Variants in MIA2 observed in about 807,000 individuals in gnomAD.
MIA2 encodes MIA SH3 domain ER export factor 2, also known as melanoma inhibitory activity protein 2.
A neutral mutation model predicts 167.8 loss-of-function variants in MIA2; 127 were observed. The ratio of observed to expected loss-of-function variants is 0.76; its 90% CI spans 0.66 to 0.88. The LOEUF is 0.88. Among genes scored for constraint, MIA2 ranks in the 40% least tolerant of loss-of-function variants. The pLI, the probability that MIA2 is intolerant of heterozygous loss-of-function variation, is 0.00. For synonymous variants in MIA2, 552 were observed against 541.9 expected (o/e 1.02, Z -0.26); for missense variants, 1,690 against 1,624.7 (o/e 1.04, Z -0.69).
At chr14:39,269,079 T>TTTTTTTTTTG (rs2056623212) in intron 6 of MIA2, 1 of 522,934 alleles carries the variant, frequency 1.9e-6, no homozygotes, top group Non-Finnish European at 2.2e-6. Flanking sequence ...GCACAGTTTT[T>TTTTTTTTTTG]TTTTTTTTTT....
intron 24 of MIA2, among the ~76,000 whole-genome samples, chr14:39,326,340 T>TA (rs1453271827): frequency 1.3e-5 from 2 of 152,196 alleles, no homozygotes; most frequent in East Asian, 3.8e-4. Context: ...TTATCTTTTT[T>TA]ATCTTCTCAT....
chr14:39,290,949 A>C, intron 9 of MIA2, 70 bp from the exon 10 acceptor site: 1 of 1,310,196 alleles, frequency 7.6e-7, no homozygotes, highest in Non-Finnish European at 1.1e-6. Flanking sequence ...TCTGCTTCTT[A>C]GGCATCTATC....
chr14:39,356,935 G>T (rs1467500867), intron 23 of MIA2, among the ~76,000 whole-genome samples: 1 of 152,168 alleles, frequency 6.6e-6, no homozygotes, highest in Non-Finnish European at 1.5e-5. Flanking sequence ...TATAATTTCT[G>T]TTCTTTTACA....
Position 39,294,984 on chromosome 14 carries a change from A to G in MIA2, c.2451A>G (p.Lys817=), listed in dbSNP as rs1213115495. The G allele has an allele frequency of 6.2e-7, 1 of 1,613,908 alleles. No homozygotes were observed. The highest frequency in any genetic ancestry group is 2.2e-5 in the East Asian group (1 of 44,880). ...MNEERLKIAI[K]DALNENSQLQ... is the part of the protein sequence containing the mutation. ...AAGAACGACTGAAGATAGCAATAAAAGATGCTTTGAATGAAAATTCTCAAC... is the reference window on the plus strand; with the variant it reads ...AAGAACGACTGAAGATAGCAATAAAGGATGCTTTGAATGAAAATTCTCAAC... The change falls in exon 13 of 29, where the codon AAA becomes AAG. Residue 817 remains lysine (K), a synonymous_variant. Coordinates refer to ENST00000640607, the MANE Select transcript of MIA2 (RefSeq NM_001329214.4).
In MIA2 at chr14:39,320,887, G is replaced by A. The variant is rs548848375; in HGVS notation, c.3368-41G>A. The A allele has an allele frequency of 9.4e-6, 15 of 1,599,966 alleles. No individual in the cohort carries two copies. In the African/African-American group the frequency reaches 9.4e-5, roughly 10 times the overall value. On this transcript the variant is annotated intron_variant, in intron 23 of 28. Transcript: ENST00000640607. Reference sequence around the variant, plus strand: ...GATTCTAACTCTGTAGTGTAGCTAAGTGAAACTATGAATTTAAATATGCTG... The same window carrying A: ...GATTCTAACTCTGTAGTGTAGCTAAATGAAACTATGAATTTAAATATGCTG...
intron 23 of MIA2, among the ~76,000 whole-genome samples, chr14:39,371,646 A>G (rs1337990721): frequency 6.6e-6 from 1 of 152,252 alleles, no homozygotes; most frequent in Non-Finnish European, 1.5e-5. Flanking sequence ...ATAATTTTGT[A>G]TAAAGAGCAG....
intron 25 of MIA2, among the ~76,000 whole-genome samples, chr14:39,330,352 T>G (rs2068545988): frequency 6.6e-6 from 1 of 152,174 alleles, no homozygotes; most frequent in African/African-American, 2.4e-5. Flanking sequence ...ATTTGATTCT[T>G]CTCTCTTTTC....
chr14:39,274,773 T>C (rs939197333), intron 6 of MIA2, among the ~76,000 whole-genome samples: 2 of 151,180 alleles, frequency 1.3e-5, no homozygotes, highest in Non-Finnish European at 2.9e-5. Context: ...TCTAACCAGC[T>C]CAAGGCTTTA....
At chr14:39,266,801 T>C (rs1189573086) in intron 6 of MIA2, 13 of 933,292 alleles carry the variant, frequency 1.4e-5, no homozygotes, top group African/African-American at 1.8e-5. Context: ...AAGGAAAGCC[T>C]TGGGTGTCGG....
chr14:39,249,041 C>G (rs1055308900), intron 4 of MIA2, among the ~76,000 whole-genome samples: 3 of 152,088 alleles, frequency 2.0e-5, no homozygotes, highest in Admixed American at 6.6e-5. Flanking sequence ...GCCTGGCCAG[C>G]TAAAGGAAAG....
rs533620112 is a variant in MIA2 at position 39,325,841 on chromosome 14, G to A, written c.3497-1023G>A. ...CCATTCTTCTGCCTCAGCCTCCCTA[G>A]TAGCTGGGATTACAGGCACCTGCCA... On this transcript the variant is annotated intron_variant, in intron 24 of 28. Coordinates refer to ENST00000640607, the MANE Select transcript of MIA2 (RefSeq NM_001329214.4). Among the ~76,000 whole-genome samples, 3 of 151,910 alleles carry A rather than the reference G, an allele frequency of 2.0e-5. No individual in the cohort carries two copies. The South Asian group carries it at 6.2e-4, about 32-fold the overall frequency.
At chr14:39,292,884 A>G (rs956887468) in intron 10 of MIA2, among the ~76,000 whole-genome samples, 1 of 151,778 alleles carries the variant, frequency 6.6e-6, no homozygotes, top group Admixed American at 6.6e-5. Flanking sequence ...AATTGGCTTT[A>G]TTTCTCATTT....
intron 13 of MIA2, among the ~76,000 whole-genome samples, chr14:39,299,305 C>CTATTTTTTTT (rs2062014340): frequency 1.1e-5 from 1 of 95,090 alleles, no homozygotes; most frequent in African/African-American, 4.0e-5. Context: ...AATGGTATTT[C>CTATTTTTTTT]TTTTTTTTTT....
intron 13 of MIA2, among the ~76,000 whole-genome samples, chr14:39,298,282 T>G (rs773871126): frequency 6.6e-6 from 1 of 151,584 alleles, no homozygotes; most frequent in Non-Finnish European, 1.5e-5. Context: ...ATGCACTCCT[T>G]CTCTAATGTT....
At chr14:39,354,891 G>T (rs1332684662), downstream of MIA2, among the ~76,000 whole-genome samples, 14 of 152,064 alleles carry the variant, frequency 9.2e-5, no homozygotes, top group Non-Finnish European at 1.9e-4. Context: ...CATTATTTCT[G>T]AGGGCTCTGT....
chr14:39,347,576 G>T (rs1041355203), intron 26 of MIA2, 137 bp from the exon 27 acceptor site: 2 of 755,814 alleles, frequency 2.6e-6, no homozygotes, highest in African/African-American at 3.6e-5. Context: ...TCTTGTGGCC[G>T]CAATATAGGA....
intron 23 of MIA2, among the ~76,000 whole-genome samples, chr14:39,378,866 G>A (rs2075097426): frequency 6.6e-6 from 1 of 152,140 alleles, no homozygotes; most frequent in African/African-American, 2.4e-5. Flanking sequence ...TGGAAAGTTT[G>A]TCAAATATAA....
chr14:39,323,586 A>G (rs2066897340), intron 24 of MIA2, among the ~76,000 whole-genome samples: 1 of 152,056 alleles, frequency 6.6e-6, no homozygotes, highest in African/African-American at 2.4e-5. Flanking sequence ...TACAGTTTTG[A>G]TGCTTTCTAT....
chr14:39,337,764 C>T (rs2070778962), intron 25 of MIA2, among the ~76,000 whole-genome samples: 2 of 151,948 alleles, frequency 1.3e-5, no homozygotes, highest in Non-Finnish European at 2.9e-5. Context: ...GTCACCCAGG[C>T]TGGAGTGCTG....
Sources: gnomAD v4.1 joint callset for allele counts (sites outside exome capture counted in the v4.1 genomes callset) on GRCh38, gnomAD v4.1.1 for gene constraint, MANE v1.5 for transcripts, NCBI Gene and HGNC (gene_info 2026-07-23, HGNC 2026-07-21) for gene names.